NCAPD2: variants seen among roughly 807,000 people sequenced by gnomAD.
NCAPD2 encodes non-SMC condensin I complex subunit D2.
NCAPD2 carries 100 observed loss-of-function variants against 164.5 expected under a neutral mutation model. The observed-to-expected ratio is 0.61, with a 90% CI of 0.52 to 0.72. NCAPD2 has a LOEUF of 0.72. NCAPD2 is among the 30% of genes least tolerant of loss of function. NCAPD2 has a pLI of 0.00. For synonymous variants in NCAPD2, 585 were observed against 642.6 expected, an observed-to-expected ratio of 0.91 and a Z score of 1.36; for missense variants, 1,560 against 1,749.2, an observed-to-expected ratio of 0.89 and a Z score of 1.93.
intron 2 of NCAPD2, among the ~76,000 whole-genome samples, chr12:6,508,762 A>G (rs1592168285): frequency 6.6e-6 from 1 of 152,234 alleles, no homozygotes; most frequent in Admixed American, 6.5e-5. Flanking sequence ...CAGTGGAGAA[A>G]TGTGGCAGAC....
chr12:6,525,174 G>C (rs1199815530), intron 17 of NCAPD2, among the ~76,000 whole-genome samples: 1 of 152,170 alleles, frequency 6.6e-6, no homozygotes, highest in Admixed American at 6.5e-5. Context: ...AAAAAAATTA[G>C]ATGACCGAAA....
chr12:6,513,214 A>G (rs1421665065), intron 6 of NCAPD2, among the ~76,000 whole-genome samples: 1 of 152,162 alleles, frequency 6.6e-6, no homozygotes, highest in Admixed American at 6.5e-5. Flanking sequence ...AAGAGCAGGA[A>G]TCCAAGGACT....
At chr12:6,517,065 C>T in intron 10 of NCAPD2, 40 bp downstream of exon 10, 1 of 1,593,420 alleles carries the variant, frequency 6.3e-7, no homozygotes, top group Non-Finnish European at 8.6e-7. Flanking sequence ...TGGTACCTCT[C>T]CATATACCAG....
intron 3 of NCAPD2, 67 bp from the exon 4 acceptor site, chr12:6,510,008 C>A: frequency 6.6e-7 from 1 of 1,506,836 alleles, no homozygotes; most frequent in Non-Finnish European, 9.2e-7. Flanking sequence ...CGGGTTAGAT[C>A]TGATCTGTTA....
At chr12:6,495,352 A>G (rs1437355322) in intron 2 of NCAPD2, 127 bp downstream of exon 2, 14 of 1,254,080 alleles carry the variant, frequency 1.1e-5, no homozygotes, top group Non-Finnish European at 1.4e-5. Flanking sequence ...TGTTTTTCCT[A>G]TTTTGCTGTT....
Position 6,506,470 on chromosome 12 carries a change from G to A in NCAPD2, c.128-3247G>A, listed in dbSNP as rs533609567. Among the ~76,000 whole-genome samples the A allele has an allele frequency of 2.2e-4, 34 of 151,940 alleles. 1 individual carries two copies. The East Asian group carries it at 6.4e-3, about 29-fold the overall frequency. Reference sequence around the variant, plus strand: ...CCGGGCATGGTGGCGGGCGCCGGTAGTCCCAGCTACTCGGGAGGCTGAGGC... The same window carrying A: ...CCGGGCATGGTGGCGGGCGCCGGTAATCCCAGCTACTCGGGAGGCTGAGGC... On this transcript the variant is annotated intron_variant, in intron 2 of 31. Coordinates refer to ENST00000315579, the MANE Select transcript of NCAPD2 (RefSeq NM_014865.4).
rs1276276554 is a variant in NCAPD2 at position 6,517,016 on chromosome 12, C to T, written c.1176C>T (p.Val392=). The stretch of plus-strand genomic sequence containing the variant: ...TTTTGCAGCTCTTCACCCGAATTGT[C>T]CAGCAGAAGGTAACCAACTTCTATG... ...SRVLQLFTRI[V]QQKALPLTRF... The change falls in exon 10 of 32, where the codon GTC becomes GTT. Residue 392 remains valine (V), a synonymous_variant. Coordinates refer to ENST00000315579, the MANE Select transcript of NCAPD2 (RefSeq NM_014865.4). 6.2e-7 allele frequency: 1 copy of T among 1,614,100 alleles called. No individual in the cohort carries two copies. Among genetic ancestry groups the T allele is most frequent in the South Asian group, 1.1e-5 (1 of 91,064 alleles).
At chr12:6,497,705 C>T (rs1053100540) in intron 2 of NCAPD2, among the ~76,000 whole-genome samples, 5 of 149,954 alleles carry the variant, frequency 3.3e-5, no homozygotes, top group East Asian at 2.0e-4. Context: ...CTGCAGCCTC[C>T]GCCTCCCGAG....
At chr12:6,525,867 A>G in intron 18 of NCAPD2, 151 bp downstream of exon 18, 1 of 1,277,650 alleles carries the variant, frequency 7.8e-7, no homozygotes, top group Non-Finnish European at 1.1e-6. Context: ...AAATAGTGAG[A>G]GGACCAGCCC....
intron 2 of NCAPD2, among the ~76,000 whole-genome samples, chr12:6,504,206 TATATATATATA>T (rs1946073835): frequency 2.8e-4 from 7 of 25,230 alleles, no homozygotes; most frequent in African/African-American, 2.5e-3. Flanking sequence ...TATATATATA[TATATATATATA>T]GATATAGATA....
chr12:6,529,377 G>T (rs1317097718), intron 27 of NCAPD2, 136 bp from the exon 28 acceptor site: 4 of 788,324 alleles, frequency 5.1e-6, no homozygotes, highest in Non-Finnish European at 6.4e-6. Context: ...CAGGGCAAGG[G>T]GAGTGGTGAG....
At chr12:6,504,265 G>A (rs1946078561) in intron 2 of NCAPD2, among the ~76,000 whole-genome samples, 1 of 120,072 alleles carries the variant, frequency 8.3e-6, no homozygotes, top group Non-Finnish European at 1.8e-5. Flanking sequence ...TGAACAACGT[G>A]GGGGTTAGGG....
chr12:6,516,876 C>G lies in NCAPD2; in HGVS notation c.1036C>G (p.Leu346Val). 1 of 1,614,140 alleles carries G rather than the reference C, an allele frequency of 6.2e-7. No individual in the cohort carries two copies. The highest frequency in any genetic ancestry group is 1.3e-5 in the African/African-American group (1 of 75,022). ...AVLAAMAEMV[L>V]QVLSGDQLEA... ...GCTGGCAGCCATGGCGGAGATGGTG[C>G]TGCAGGTTCTCAGTGGCGATCAACT... The change falls in exon 10 of 32, where the codon CTG becomes GTG. Residue 346 changes from leucine to valine, a missense_variant. Coordinates refer to ENST00000315579, the MANE Select transcript of NCAPD2 (RefSeq NM_014865.4).
In NCAPD2 at chr12:6,529,221, T is replaced by C. The variant is rs916532740; in HGVS notation, c.3572+182T>C. ...CTGATGATACTTAACCCTTAGTTCT[T>C]GAAAATATTAAATACGATAAAGTTC... On this transcript the variant is annotated intron_variant, in intron 27 of 31. Coordinates refer to ENST00000315579, the MANE Select transcript of NCAPD2 (RefSeq NM_014865.4). 2.1e-4 allele frequency: 135 copies of C among 631,248 alleles called. 1 individual carries two copies. The highest frequency in any genetic ancestry group is 1.7e-3 in the Middle Eastern group (4 of 2,340). The allele number at this position is 631,248 out of a possible 1,614,324, so 39.1% of individuals were successfully genotyped here. A position where few individuals can be genotyped will look rare whatever the true frequency, so the allele number is the denominator to read the frequency against.
intron 2 of NCAPD2, among the ~76,000 whole-genome samples, chr12:6,500,337 G>T (rs7134136): frequency 0.32 from 49,354 of 152,054 alleles, 8,423 homozygotes; most frequent in African/African-American, 0.42. Flanking sequence ...GAGAAGGCTT[G>T]CTGTTACGTC....
chr12:6,518,263 T>TGTAA (rs1327297633), intron 13 of NCAPD2: 1 of 197,670 alleles, frequency 5.1e-6, no homozygotes, highest in East Asian at 1.3e-4. Flanking sequence ...TGTATGATCT[T>TGTAA]GAATAAGTTG....
chr12:6,496,216 C>T (rs569656575), intron 2 of NCAPD2, among the ~76,000 whole-genome samples: 19 of 151,712 alleles, frequency 1.3e-4, no homozygotes, highest in African/African-American at 3.4e-4. Context: ...ACGCCACTAC[C>T]ACCTGGCTAA....
At chr12:6,515,068 C>G in intron 9 of NCAPD2, 148 bp downstream of exon 9, 3 of 850,358 alleles carry the variant, frequency 3.5e-6, no homozygotes, top group Non-Finnish European at 5.4e-6. Context: ...AGAAGCAGGT[C>G]AAGTTTGTTG....
chr12:6,516,872 G>A lies in NCAPD2; in HGVS notation c.1032G>A (p.Met344Ile), dbSNP rs147023142. 2.5e-5 allele frequency: 40 copies of A among 1,613,974 alleles called. No individual in the cohort carries two copies. The highest frequency in any genetic ancestry group is 4.0e-5 in the African/African-American group (3 of 74,896). Residue 344 changes from methionine to isoleucine, a missense_variant, in exon 10 of 32, where the codon ATG (methionine) becomes ATA (isoleucine). By Grantham distance (10) the Met-to-Ile change is conservative (BLOSUM62 1). Coordinates refer to ENST00000315579, the MANE Select transcript of NCAPD2 (RefSeq NM_014865.4). Reference protein sequence around the residue: ...RNAVLAAMAEMVLQVLSGDQL... With the variant: ...RNAVLAAMAEIVLQVLSGDQL... The stretch of plus-strand genomic sequence containing the variant: ...CTGTGCTGGCAGCCATGGCGGAGAT[G>A]GTGCTGCAGGTTCTCAGTGGCGATC...
Sources: allele counts gnomAD v4.1 joint callset (sites outside exome capture counted in the v4.1 genomes callset), GRCh38; gene constraint gnomAD v4.1.1; transcripts MANE v1.5; gene names NCBI Gene and HGNC (gene_info 2026-07-23, HGNC 2026-07-21).